NUBPL: variants seen among roughly 807,000 people sequenced by gnomAD.
NUBPL encodes NUBP iron-sulfur cluster assembly factor, mitochondrial, also known as iron-sulfur cluster transfer protein NUBPL.
Under a neutral mutation model 45.7 loss-of-function variants are expected in NUBPL, and 31 were observed. That is an observed-to-expected ratio of 0.68 (90% CI 0.51 to 0.92). The LOEUF (loss-of-function observed/expected upper bound fraction) is 0.92, where lower values mean the gene tolerates loss of function less well. Among genes scored for constraint, NUBPL ranks in the 40% least tolerant of loss-of-function variants. The pLI is 0.00. For missense variants in NUBPL, 401 were observed against 398.7 expected (o/e 1.01, Z -0.05); for synonymous variants, 144 against 140.9 (o/e 1.02, Z -0.15).
chr14:31,700,859 G>A (rs1484079391), intron 6 of NUBPL, among the ~76,000 whole-genome samples: 3 of 151,932 alleles, frequency 2.0e-5, no homozygotes, highest in Admixed American at 6.6e-5. Flanking sequence ...CTCACGGCCT[G>A]AGCCTCCCCG....
intron 7 of NUBPL, among the ~76,000 whole-genome samples, chr14:31,791,836 T>C (rs1021757928): frequency 6.6e-6 from 1 of 152,344 alleles, no homozygotes; most frequent in Middle Eastern, 3.4e-3. Flanking sequence ...TTGCTTGTTC[T>C]TTAATAATTT....
In NUBPL at chr14:31,636,991, A is replaced by T. The variant is rs541801248; in HGVS notation, c.383-36364A>T. On this transcript the variant is annotated intron_variant, in intron 4 of 10. Coordinates refer to ENST00000281081, the MANE Select transcript of NUBPL (RefSeq NM_025152.3). ...TTGATTCTTCTCTCTTTTTTTCTGT[A>T]TTAGTCTTGCTGGTGGTCTATCAAT... is the stretch of plus-strand genomic sequence containing the variant. Among the ~76,000 whole-genome samples, 779 of 151,816 alleles carry T rather than the reference A, an allele frequency of 5.1e-3. 5 individuals carry two copies. Among genetic ancestry groups the T allele is most frequent in the Non-Finnish European group, 8.0e-3 (546 of 67,906 alleles).
intron 6 of NUBPL, among the ~76,000 whole-genome samples, chr14:31,677,289 C>G (rs1369885018): frequency 6.6e-6 from 1 of 152,146 alleles, no homozygotes; most frequent in Non-Finnish European, 1.5e-5. Flanking sequence ...TTTATTCATT[C>G]TTTCTGTTTG....
chr14:31,577,934 A>G (rs2139482897), intron 3 of NUBPL: 3 of 1,287,464 alleles, frequency 2.3e-6, no homozygotes, highest in South Asian at 1.2e-5. Context: ...ATCTCATGCC[A>G]TTAGAGTGAC....
chr14:31,857,684 G>A (rs758993021), intron 10 of NUBPL, among the ~76,000 whole-genome samples: 26 of 152,116 alleles, frequency 1.7e-4, no homozygotes, highest in African/African-American at 4.6e-4. Context: ...ACAAAATGCC[G>A]CCAGTCTCTT....
chr14:31,625,551 C>G (rs1356160127), intron 4 of NUBPL, among the ~76,000 whole-genome samples: 1 of 151,036 alleles, frequency 6.6e-6, no homozygotes. Context: ...TCTCTGCTCA[C>G]TGCAACCTCT....
intron 9 of NUBPL, among the ~76,000 whole-genome samples, chr14:31,848,712 C>T (rs374926889): frequency 8.1e-4 from 123 of 152,300 alleles, no homozygotes; most frequent in African/African-American, 2.7e-3. Flanking sequence ...ATTCTTACTA[C>T]GCACCTATTT....
chr14:31,707,870 G>A (rs1321762180), intron 6 of NUBPL, among the ~76,000 whole-genome samples: 1 of 152,208 alleles, frequency 6.6e-6, no homozygotes, highest in African/African-American at 2.4e-5. Context: ...GACTTGAGAA[G>A]TAACCTAGAT....
intron 6 of NUBPL, among the ~76,000 whole-genome samples, chr14:31,685,596 A>T (rs958151461): frequency 3.9e-5 from 6 of 152,100 alleles, no homozygotes; most frequent in Non-Finnish European, 5.9e-5. Flanking sequence ...AAATGAGAGG[A>T]TTGTTTTAAA....
At chr14:31,813,055 C>G (rs984207982) in intron 7 of NUBPL, among the ~76,000 whole-genome samples, 2 of 141,320 alleles carry the variant, frequency 1.4e-5, no homozygotes, top group African/African-American at 2.6e-5. Context: ...AGTGGTGTAT[C>G]TCGGCTCACT....
rs534236856 is a variant in NUBPL, at chr14:31,645,215, G to A, written c.383-28140G>A. ...CGAGTAACTGGGACTACAGGCGCCC[G>A]CCACCACACCCGGCTAATTTTTTGT... On this transcript the variant is annotated intron_variant, in intron 4 of 10. Coordinates refer to ENST00000281081, the MANE Select transcript of NUBPL (RefSeq NM_025152.3). Among the ~76,000 whole-genome samples the A allele has an allele frequency of 7.2e-5, 11 of 152,044 alleles. No homozygotes were observed. In the East Asian group the frequency reaches 7.7e-4, roughly 11 times the overall value.
rs571811493 is a variant in NUBPL, at chr14:31,624,260, A to G, written c.382+24881A>G. Among the ~76,000 whole-genome samples the G allele has an allele frequency of 2.0e-5, 3 of 152,306 alleles. No homozygotes were observed. In the East Asian group the frequency reaches 5.8e-4, roughly 29 times the overall value. On this transcript the variant is annotated intron_variant, in intron 4 of 10. Coordinates refer to ENST00000281081, the MANE Select transcript of NUBPL (RefSeq NM_025152.3). The stretch of plus-strand genomic sequence containing the variant: ...CCTTGATTTTCTGAGTTGGATGACT[A>G]TGTAGATATATTATCCATCAGGATA...
chr14:31,668,834 C>A (rs928638871), intron 4 of NUBPL, among the ~76,000 whole-genome samples: 6 of 152,128 alleles, frequency 3.9e-5, no homozygotes, highest in Admixed American at 2.6e-4. Context: ...GAGGTGACAC[C>A]CCACGCTGCT....
intron 6 of NUBPL, among the ~76,000 whole-genome samples, chr14:31,760,023 G>A (rs533712147): frequency 1.1e-4 from 16 of 151,460 alleles, no homozygotes; most frequent in East Asian, 3.9e-4. Context: ...AAGTTAAGAA[G>A]CATCTCTATA....
intron 6 of NUBPL, among the ~76,000 whole-genome samples, chr14:31,722,526 C>T (rs2037833344): frequency 6.6e-6 from 1 of 152,164 alleles, no homozygotes; most frequent in Admixed American, 6.5e-5. Flanking sequence ...CACTTCTTTC[C>T]ACAATGGTTG....
intron 7 of NUBPL, among the ~76,000 whole-genome samples, chr14:31,792,145 C>A (rs746678475): frequency 7.2e-5 from 11 of 152,124 alleles, no homozygotes; most frequent in Non-Finnish European, 1.5e-4. Flanking sequence ...TAAAACCCAA[C>A]AATATTTGAC....
chr14:31,704,284 A>G (rs2037399553), intron 6 of NUBPL, among the ~76,000 whole-genome samples: 1 of 152,166 alleles, frequency 6.6e-6, no homozygotes, highest in South Asian at 2.1e-4. Flanking sequence ...GGTCCCCTTT[A>G]GAAGCCTGCC....
At chr14:31,653,280 C>T (rs1466475321) in intron 4 of NUBPL, among the ~76,000 whole-genome samples, 1 of 152,106 alleles carries the variant, frequency 6.6e-6, no homozygotes, top group Non-Finnish European at 1.5e-5. Context: ...TTAAATTCAC[C>T]AGGGTGGGGT....
Position 31,604,177 on chromosome 14 carries a change from C to G in NUBPL, c.382+4798C>G, listed in dbSNP as rs868482564. 1.3e-3 allele frequency among the ~76,000 whole-genome samples: 94 copies of G among 70,712 alleles called. 1 individual carries two copies. Among genetic ancestry groups the G allele is most frequent in the African/African-American group, 2.7e-3 (82 of 30,354 alleles). 46.4% of individuals were successfully genotyped at this position (70,712 alleles called of 152,430 possible). A position where few individuals can be genotyped will look rare whatever the true frequency, so the allele number is the denominator to read the frequency against. ...CGAGGTACTGGAAATCTTGGAAAGG[C>G]TGAAAAAAAAAAAAAAAAACACTTT... is the stretch of plus-strand genomic sequence containing the variant. On this transcript the variant is annotated intron_variant, in intron 4 of 10. Coordinates refer to ENST00000281081, the MANE Select transcript of NUBPL (RefSeq NM_025152.3).
Sources: gnomAD v4.1 joint callset for allele counts (sites outside exome capture counted in the v4.1 genomes callset) on GRCh38, gnomAD v4.1.1 for gene constraint, MANE v1.5 for transcripts, NCBI Gene and HGNC (gene_info 2026-07-23, HGNC 2026-07-21) for gene names.